The following LY6G5C variants were observed in gnomAD, a reference collection of about 807,000 sequenced individuals.
LY6G5C encodes the protein lymphocyte antigen 6 complex locus protein G5c.
A neutral mutation model predicts 10.5 loss-of-function variants in LY6G5C; 6 were observed. The ratio of observed to expected loss-of-function variants is 0.57; its 90% CI spans 0.31 to 1.12. The LOEUF (loss-of-function observed/expected upper bound fraction) is 1.12, where lower values mean the gene tolerates loss of function less well. LY6G5C is among the 50% of genes most tolerant of loss of function. LY6G5C has a pLI of 0.05. For missense variants in LY6G5C, 160 were observed against 185.5 expected, an observed-to-expected ratio of 0.86 and a Z score of 0.80; for synonymous variants, 69 against 67.8, an observed-to-expected ratio of 1.02 and a Z score of -0.09.
intron 2 of LY6G5C, among the ~76,000 whole-genome samples, chr6:31,677,896 G>A (rs1459438567): frequency 6.6e-6 from 1 of 152,200 alleles, no homozygotes; most frequent in Non-Finnish European, 1.5e-5. Flanking sequence ...GGTTAGGGTA[G>A]TAGCGGGAGA....
intron 2 of LY6G5C, 105 bp from the exon 3 acceptor site, chr6:31,677,225 T>C: frequency 8.4e-7 from 1 of 1,196,244 alleles, no homozygotes; most frequent in Non-Finnish European, 1.2e-6. Flanking sequence ...AAAGAAAAGA[T>C]TCCTGTAGTT....
At chr6:31,677,206 AAAAAAG>A in intron 2 of LY6G5C, 86 bp from the exon 3 acceptor site, 1 of 1,361,364 alleles carries the variant, frequency 7.3e-7, no homozygotes, top group African/African-American at 1.5e-5. Context: ...TAAGTCAAAA[AAAAAAG>A]AAAAAGAAAA....
intron 2 of LY6G5C, 35 bp from the exon 3 acceptor site, chr6:31,677,155 G>T (rs1279898008): frequency 6.2e-7 from 1 of 1,606,436 alleles, no homozygotes; most frequent in Non-Finnish European, 8.5e-7. Context: ...TGATACGGAA[G>T]TCCCCAGGAA....
rs1159150133 is a variant in LY6G5C, at chr6:31,680,303, G to A, written c.71C>T (p.Ala24Val). 6.2e-7 allele frequency: 1 copy of A among 1,612,324 alleles called. No individual in the cohort carries two copies. Among genetic ancestry groups the A allele is most frequent in the Non-Finnish European group, 8.5e-7 (1 of 1,179,866 alleles). The change falls in exon 1 of 3, where the codon GCC becomes GTC. Residue 24 changes from alanine (A) to valine (V), a missense_variant. By Grantham distance (64) the Ala-to-Val change is moderately conservative. Transcript: ENST00000383237. The surrounding 1 kb of genome is among the most constrained non-coding windows in gnomAD (Gnocchi z 4.5). The stretch of plus-strand genomic sequence containing the variant: ...CACTATTAAGAGGACCGTGTAGAGG[G>A]CTTGGGGGCTGCTGTGGAAGCACAG...
At chr6:31,680,483 A>T, upstream of LY6G5C, 1 of 1,313,664 alleles carries the variant, frequency 7.6e-7, no homozygotes, top group Non-Finnish European at 1.0e-6. The surrounding 1 kb of genome is among the most constrained non-coding windows in gnomAD (Gnocchi z 4.5). Context: ...CAGACCAGCC[A>T]GAGGGGCAGA....
Position 31,679,324 on chromosome 6 carries a change from C to T in LY6G5C, c.122-56G>A. 1 of 1,596,776 alleles carries T rather than the reference C, an allele frequency of 6.3e-7. No homozygotes were observed. The highest frequency in any genetic ancestry group is 1.3e-5 in the African/African-American group (1 of 74,732). On this transcript the variant is annotated intron_variant, in intron 1 of 2. Coordinates refer to ENST00000383237, the Ensembl canonical transcript of LY6G5C. The surrounding 1 kb of genome is among the most constrained non-coding windows in gnomAD (Gnocchi z 4.4). The stretch of plus-strand genomic sequence containing the variant: ...ACACCCCATTCTACCTCACACCCTA[C>T]CACTGCCTGATTCCAGGCCACTCAG...
In LY6G5C at chr6:31,679,970, C is replaced by G. The variant is rs1802791687; in HGVS notation, c.121+283G>C. The G allele has an allele frequency of 6.9e-6, 2 of 291,894 alleles. No homozygotes were observed. The highest frequency in any genetic ancestry group is 4.4e-5 in the African/African-American group (2 of 45,624). 18.1% of individuals were successfully genotyped at this position (291,894 alleles called of 1,614,324 possible). A position where few individuals can be genotyped will look rare whatever the true frequency, so the allele number is the denominator to read the frequency against. ...GCTGAGGCATGAGAATCGCTTGAAC[C>G]CGGGAGGTGGAGGTTGCAGTGAGCC... On this transcript the variant is annotated intron_variant, in intron 1 of 2. Coordinates refer to ENST00000383237, the Ensembl canonical transcript of LY6G5C. The surrounding 1 kb of genome is among the most constrained non-coding windows in gnomAD (Gnocchi z 4.4).
exon 3 of LY6G5C, chr6:31,676,769 G>T: frequency 1.7e-6 from 1 of 578,566 alleles, no homozygotes; most frequent in South Asian, 2.4e-5. Flanking sequence ...AGGGCTGGGG[G>T]TACAGAGTAG....
upstream of LY6G5C, among the ~76,000 whole-genome samples, chr6:31,680,787 C>T (rs1225591145): frequency 6.6e-6 from 1 of 152,122 alleles, no homozygotes. The surrounding 1 kb of genome is among the most constrained non-coding windows in gnomAD (Gnocchi z 4.5). Context: ...GTAACTTGAT[C>T]GGATTTCTGT....
At position 31,676,956 on chromosome 6, in the gene LY6G5C, A is replaced by G. The variant is rs545488872; in HGVS notation, c.*1T>C. ...TTACACCAAAGTTTGCTGCAGTCAC[A>G]CTAAGGAGTATAGAGCCCTCTGTTT... On this transcript the variant is annotated 3_prime_UTR_variant, in exon 3 of 3. Transcript: ENST00000383237. The G allele has an allele frequency of 1.8e-5, 29 of 1,612,546 alleles. No homozygotes were observed. In the African/African-American group the frequency reaches 2.4e-4, roughly 13 times the overall value.
Position 31,679,404 on chromosome 6 carries a change from G to T in LY6G5C, c.122-136C>A. ...AAAACCATCAAAGCCCCAATTCTCTGCTTCCTTCCCCAACTGCATACACAT... is the reference window on the plus strand; with the variant it reads ...AAAACCATCAAAGCCCCAATTCTCTTCTTCCTTCCCCAACTGCATACACAT... On this transcript the variant is annotated intron_variant, in intron 1 of 2. Transcript: ENST00000383237. This position sits in a 1 kb window ranked among gnomAD's most constrained non-coding sequence, Gnocchi z 4.4. The T allele has an allele frequency of 2.1e-6, 2 of 932,416 alleles. No individual in the cohort carries two copies. The highest frequency in any genetic ancestry group is 3.4e-6 in the Non-Finnish European group (2 of 595,284). 57.8% of individuals were successfully genotyped at this position (932,416 alleles called of 1,614,324 possible).
In LY6G5C at chr6:31,679,126, G is replaced by C; in HGVS notation, c.264C>G (p.Ser88Arg). The change falls in exon 2 of 3, where the codon AGC (serine) becomes AGG (arginine). Residue 88 changes from serine to arginine, a missense_variant. By Grantham distance (110) the Ser-to-Arg change is moderately radical (BLOSUM62 -1). Transcript: ENST00000383237. The surrounding 1 kb of genome is among the most constrained non-coding windows in gnomAD (Gnocchi z 4.4). ...TGTTCTTTTTGTGGAGAGTGATGCA[G>C]CTGCTGCCAGCTGGGGTGAGGCAGA... The C allele has an allele frequency of 6.2e-7, 1 of 1,613,012 alleles. No individual in the cohort carries two copies. Among genetic ancestry groups the C allele is most frequent in the Non-Finnish European group, 8.5e-7 (1 of 1,180,012 alleles).
chr6:31,677,056 A>C, exon 3 of LY6G5C: 1 of 1,612,984 alleles, frequency 6.2e-7, no homozygotes, highest in Non-Finnish European at 8.5e-7. Context: ...AAGTTCGGGT[A>C]TTTGAACAAT....
At position 31,677,749 on chromosome 6, in the gene LY6G5C, A is replaced by G. The variant is rs1802659331; in HGVS notation, c.290-629T>C. 2.0e-5 allele frequency among the ~76,000 whole-genome samples: 3 copies of G among 152,150 alleles called. No homozygotes were observed. The South Asian group carries it at 6.2e-4, about 32-fold the overall frequency. On this transcript the variant is annotated intron_variant, in intron 2 of 2. Transcript: ENST00000383237. ...ATAATGTTTACAGTGGGATGCTACTATCTTGGGTTGGGGCGGGGGAAGAGG... is the reference window on the plus strand; with the variant it reads ...ATAATGTTTACAGTGGGATGCTACTGTCTTGGGTTGGGGCGGGGGAAGAGG...
upstream of LY6G5C, chr6:31,680,485 A>G (rs1802831867): frequency 1.5e-6 from 2 of 1,308,140 alleles, no homozygotes; most frequent in African/African-American, 1.5e-5. The surrounding 1 kb of genome is among the most constrained non-coding windows in gnomAD (Gnocchi z 4.5). Flanking sequence ...GACCAGCCAG[A>G]GGGGCAGAAT....
rs906617446 is a variant in LY6G5C at position 31,680,012 on chromosome 6, A to G, written c.121+241T>C. The G allele has an allele frequency of 7.4e-6, 3 of 402,748 alleles. No individual in the cohort carries two copies. In the East Asian group the frequency reaches 1.4e-4, roughly 19 times the overall value. The allele number at this position is 402,748 out of a possible 1,614,324, so 24.9% of individuals were successfully genotyped here. A position where few individuals can be genotyped will look rare whatever the true frequency, so the allele number is the denominator to read the frequency against. On this transcript the variant is annotated intron_variant, in intron 1 of 2. Coordinates refer to ENST00000383237, the Ensembl canonical transcript of LY6G5C. This position sits in a 1 kb window ranked among gnomAD's most constrained non-coding sequence, Gnocchi z 4.5. ...CAGTGAGCCGAGATCTCGCCACTGC[A>G]CTCCGGCCTGGGATACAGAGCGAGA...
Position 31,677,127 on chromosome 6 carries a change from A to T in LY6G5C, c.290-7T>A, listed in dbSNP as rs780740139. On this transcript the variant is annotated splice_polypyrimidine_tract_variant and splice_region_variant and intron_variant, in intron 2 of 2. Coordinates refer to ENST00000383237, the Ensembl canonical transcript of LY6G5C. Reference sequence around the variant, plus strand: ...ATGACGTCAGAACCGCTGCCTGGGGAGGGACAGTGGGCACCAGTGATACGG... The same window carrying T: ...ATGACGTCAGAACCGCTGCCTGGGGTGGGACAGTGGGCACCAGTGATACGG... 1.7e-5 allele frequency: 27 copies of T among 1,611,892 alleles called. No homozygotes were observed. The Admixed American group carries it at 4.2e-4, about 25-fold the overall frequency.
chr6:31,678,123 A>G (rs1241622072), intron 2 of LY6G5C, among the ~76,000 whole-genome samples: 1 of 152,210 alleles, frequency 6.6e-6, no homozygotes, highest in Non-Finnish European at 1.5e-5. Flanking sequence ...TAAAATGCAC[A>G]TAGTAATAAT....
exon 3 of LY6G5C, chr6:31,677,077 C>T: frequency 6.2e-7 from 1 of 1,613,006 alleles, no homozygotes; most frequent in Non-Finnish European, 8.5e-7. Flanking sequence ...CACTCATCTG[C>T]TCCTTACTTC....
Sources: allele counts gnomAD v4.1 joint callset (sites outside exome capture counted in the v4.1 genomes callset), GRCh38; gene constraint gnomAD v4.1.1; non-coding constraint Gnocchi (gnomAD v3.1); transcripts MANE v1.5; gene names NCBI Gene and HGNC (gene_info 2026-07-23, HGNC 2026-07-21).